Variants in ZNF682 observed in about 807,000 individuals in gnomAD.
ZNF682 encodes zinc finger protein 682.
In ZNF682, 29 loss-of-function variants were observed where a neutral mutation model predicts 36.5. The observed-to-expected ratio is 0.80, with a 90% confidence interval of 0.59 to 1.08. ZNF682 has a LOEUF of 1.08. ZNF682 is among the 50% of genes least tolerant of loss of function. The pLI, the probability that ZNF682 is intolerant of heterozygous loss-of-function variation, is 0.00. For synonymous variants in ZNF682, 180 were observed against 197.0 expected, an observed-to-expected ratio of 0.91 and a Z score of 0.72; for missense variants, 561 against 579.7, an observed-to-expected ratio of 0.97 and a Z score of 0.33.
At chr19:20,013,887 C>A (rs2088311971) in intron 3 of ZNF682, among the ~76,000 whole-genome samples, 1 of 152,008 alleles carries the variant, frequency 6.6e-6, no homozygotes, top group Non-Finnish European at 1.5e-5. Context: ...GCCTAGCAAA[C>A]TTTTAAAAAT....
chr19:20,020,680 A>G (rs1458823301), intron 3 of ZNF682, among the ~76,000 whole-genome samples: 2 of 152,190 alleles, frequency 1.3e-5, no homozygotes, highest in African/African-American at 4.8e-5. Context: ...CCCTGACTGG[A>G]TAAAGAAAAT....
Position 20,005,393 on chromosome 19 carries a change from T to A in ZNF682, c.*612A>T, listed in dbSNP as rs1477922063. The A allele has an allele frequency of 6.6e-6, 1 of 152,328 alleles. No individual in the cohort carries two copies. The highest frequency in any genetic ancestry group is 2.4e-5 in the African/African-American group (1 of 41,442). 9.4% of individuals were successfully genotyped at this position (152,328 alleles called of 1,614,324 possible). On this transcript the variant is annotated 3_prime_UTR_variant, in exon 4 of 4. Coordinates refer to ENST00000397165, the MANE Select transcript of ZNF682 (RefSeq NM_033196.3). ...CTAGTGTTTTCTAAGGTGTACTTTT[T>A]AAACAATTTTTTTCATATTCATTAC...
At chr19:20,014,900 A>G (rs1167868201) in intron 3 of ZNF682, among the ~76,000 whole-genome samples, 1 of 152,168 alleles carries the variant, frequency 6.6e-6, no homozygotes, top group African/African-American at 2.4e-5. Context: ...CATTTAAATG[A>G]GACATCTAAA....
At chr19:20,023,770 T>C (rs1017106494) in intron 2 of ZNF682, among the ~76,000 whole-genome samples, 1 of 151,768 alleles carries the variant, frequency 6.6e-6, no homozygotes, top group African/African-American at 2.4e-5. Context: ...TCACGTGAGG[T>C]CAGGAGTTCG....
At chr19:20,003,794 G>A (rs767270179), downstream of ZNF682, among the ~76,000 whole-genome samples, 28 of 152,028 alleles carry the variant, frequency 1.8e-4, no homozygotes, top group Non-Finnish European at 4.0e-4. Flanking sequence ...TCTGAACTAG[G>A]AACCACAAGA....
intron 3 of ZNF682, among the ~76,000 whole-genome samples, chr19:19,997,683 G>A (rs2088136308): frequency 6.6e-6 from 1 of 152,242 alleles, no homozygotes; most frequent in Non-Finnish European, 1.5e-5. Context: ...CACCCCAAAA[G>A]GTGGAGGCAA....
At chr19:20,016,839 T>A (rs1287389780) in intron 3 of ZNF682, among the ~76,000 whole-genome samples, 1 of 152,098 alleles carries the variant, frequency 6.6e-6, no homozygotes, top group African/African-American at 2.4e-5. Context: ...ATAATAATAA[T>A]GCATAAAACT....
intron 3 of ZNF682, among the ~76,000 whole-genome samples, chr19:20,010,579 A>T (rs900602876): frequency 1.3e-5 from 2 of 152,096 alleles, no homozygotes; most frequent in Non-Finnish European, 2.9e-5. Context: ...GAATCACTTG[A>T]ACCTGGGAGT....
At chr19:20,008,504 A>T (rs1180676826) in intron 3 of ZNF682, among the ~76,000 whole-genome samples, 1 of 151,984 alleles carries the variant, frequency 6.6e-6, no homozygotes. Context: ...CCATGGTGCA[A>T]TTGCCCTGCC....
intron 3 of ZNF682, among the ~76,000 whole-genome samples, chr19:20,013,683 C>A (rs1258412414): frequency 6.6e-6 from 1 of 152,182 alleles, no homozygotes; most frequent in Non-Finnish European, 1.5e-5. Context: ...TGGGTTCAAG[C>A]GATTCTCCTG....
At position 20,007,212 on chromosome 19, in the gene ZNF682, T is replaced by G; in HGVS notation, c.290A>C (p.Lys97Thr). The G allele has an allele frequency of 1.2e-6, 2 of 1,613,712 alleles. No homozygotes were observed. Among genetic ancestry groups the G allele is most frequent in the Non-Finnish European group, 1.7e-6 (2 of 1,179,996 alleles). The change falls in exon 4 of 4, where the codon AAA becomes ACA. Residue 97 changes from lysine (K) to threonine (T), a missense_variant. Lys to Thr is a moderately conservative substitution (Grantham distance 78, BLOSUM62 -1). Transcript: ENST00000397165. Reference protein sequence around the residue: ...PEQCMQDSFQKVILRRYGSCG... With the variant: ...PEQCMQDSFQTVILRRYGSCG... Reference sequence around the variant, plus strand: ...GCTTCCATATCTTCTCAGTATCACTTTTTGGAATGAATCTTGCATGCACTG... The same window carrying G: ...GCTTCCATATCTTCTCAGTATCACTGTTTGGAATGAATCTTGCATGCACTG...
chr19:20,002,015 T>C (rs1362506915), downstream of ZNF682, among the ~76,000 whole-genome samples: 4 of 152,198 alleles, frequency 2.6e-5, no homozygotes, highest in Non-Finnish European at 5.9e-5. Flanking sequence ...TTAGGCCACT[T>C]TCCTTATGTT....
downstream of ZNF682, among the ~76,000 whole-genome samples, chr19:19,995,563 C>T (rs986410853): frequency 5.3e-5 from 8 of 152,220 alleles, no homozygotes; most frequent in South Asian, 8.3e-4. Context: ...TCTGAAACAG[C>T]GCGGGATGAA....
At chr19:20,033,527 G>C (rs1448956375) in intron 1 of ZNF682, 1 of 152,364 alleles carries the variant, frequency 6.6e-6, no homozygotes, top group Non-Finnish European at 1.5e-5. Context: ...TAATGGAAAT[G>C]AAAGTGGTGT....
rs769941251 is a variant in ZNF682 at position 20,023,027 on chromosome 19, T to A, written c.203A>T (p.His68Leu). The A allele has an allele frequency of 3.7e-6, 6 of 1,613,980 alleles. No homozygotes were observed. Among genetic ancestry groups the A allele is most frequent in the Non-Finnish European group, 5.1e-6 (6 of 1,179,898 alleles). The change falls in exon 3 of 4, where the codon CAT (histidine) becomes CTT (leucine). Residue 68 changes from histidine (H) to leucine (L), a missense_variant. Transcript: ENST00000397165. ...ACCTGGGGGTTTGGCTATGGTCTCATGTCTCTTCACATTCCAGGGCTCCTG... is the reference window on the plus strand; with the variant it reads ...ACCTGGGGGTTTGGCTATGGTCTCAAGTCTCTTCACATTCCAGGGCTCCTG... ...QRQEPWNVKR[H>L]ETIAKPPAMS... is the part of the protein sequence containing the mutation.
At chr19:20,024,487 CT>C in intron 1 of ZNF682, 111 bp from the exon 2 acceptor site, 1 of 1,264,884 alleles carries the variant, frequency 7.9e-7, no homozygotes, top group Non-Finnish European at 1.1e-6. Context: ...ATTATTCAAT[CT>C]GCTATTTTTA....
chr19:20,019,132 C>A (rs1022284542), intron 3 of ZNF682, among the ~76,000 whole-genome samples: 1 of 152,024 alleles, frequency 6.6e-6, no homozygotes, highest in African/African-American at 2.4e-5. Flanking sequence ...AGCCTATAAG[C>A]ATTTGAAAGG....
Position 20,006,427 on chromosome 19 carries a change from GTTCAGT to G in ZNF682, c.1069_1074del (p.Thr357_Glu358del). The G allele has an allele frequency of 1.2e-6, 2 of 1,613,760 alleles. No individual in the cohort carries two copies. Among genetic ancestry groups the G allele is most frequent in the Non-Finnish European group, 1.7e-6 (2 of 1,179,952 alleles). Reference sequence around the variant, plus strand: ...TTCTCTCCGCTATGAATTACCTTATGTTCAGTAAGAATTGATGATGAGTTAAAAGCT... The same window carrying G: ...TTCTCTCCGCTATGAATTACCTTATGAAGAATTGATGATGAGTTAAAAGCT... On this transcript the variant is annotated inframe_deletion, in exon 4 of 4. Coordinates refer to ENST00000397165, the MANE Select transcript of ZNF682 (RefSeq NM_033196.3).
At chr19:20,012,736 C>G (rs1462474722) in intron 3 of ZNF682, among the ~76,000 whole-genome samples, 2 of 143,976 alleles carry the variant, frequency 1.4e-5, no homozygotes, top group Non-Finnish European at 3.0e-5. Context: ...CCACTGCACT[C>G]CAGCCTGGGC....
Sources: allele counts gnomAD v4.1 joint callset (sites outside exome capture counted in the v4.1 genomes callset), GRCh38; gene constraint gnomAD v4.1.1; transcripts MANE v1.5; gene names NCBI Gene and HGNC (gene_info 2026-07-23, HGNC 2026-07-21).